Variants in CNST observed in about 807,000 individuals in gnomAD.
The protein encoded by CNST is consortin.
CNST carries 39 observed loss-of-function variants against 72.4 expected under a neutral mutation model. The ratio of observed to expected loss-of-function variants is 0.54; its 90% CI spans 0.42 to 0.70. The LOEUF (loss-of-function observed/expected upper bound fraction) is 0.70. CNST is among the 30% of genes least tolerant of loss of function. The pLI, the probability that CNST is intolerant of heterozygous loss-of-function variation, is 0.00. For synonymous variants in CNST, 332 were observed against 320.1 expected (o/e 1.04, Z -0.40); for missense variants, 871 against 868.5 (o/e 1.00, Z -0.04).
intron 1 of CNST, among the ~76,000 whole-genome samples, chr1:246,581,554 C>T (rs1432951590): frequency 1.3e-5 from 2 of 152,250 alleles, no homozygotes; most frequent in Admixed American, 6.5e-5. Flanking sequence ...TGAGCCATCA[C>T]ACCCGGCCCA....
intron 2 of CNST, among the ~76,000 whole-genome samples, chr1:246,598,701 C>A (rs933160699): frequency 5.9e-5 from 9 of 152,084 alleles, no homozygotes; most frequent in African/African-American, 2.2e-4. Flanking sequence ...AGTTGAGATC[C>A]CTGAGATTGG....
chr1:246,606,956 G>T (rs1330673270), intron 2 of CNST: 1 of 120,900 alleles, frequency 8.3e-6, no homozygotes, highest in African/African-American at 2.7e-5. Context: ...ACTTAGGCAG[G>T]CGTATGTGGC....
In CNST at chr1:246,566,571, T is replaced by A; in HGVS notation, c.-144T>A. On this transcript the variant is annotated 5_prime_UTR_variant, in exon 1 of 11. Transcript: ENST00000366513. ...GGAGCCAGGGGAGACCCGAGCAAGC[T>A]CCGTGACAGCACGTCGGCCGCCATG... 2.5e-6 allele frequency: 1 copy of A among 405,540 alleles called. No individual in the cohort carries two copies. Among genetic ancestry groups the A allele is most frequent in the Non-Finnish European group, 4.4e-6 (1 of 229,016 alleles). The allele number at this position is 405,540 out of a possible 1,614,324, so 25.1% of individuals were successfully genotyped here.
chr1:246,637,395 T>G (rs981423164), intron 6 of CNST, among the ~76,000 whole-genome samples: 12 of 152,232 alleles, frequency 7.9e-5, no homozygotes, highest in Admixed American at 7.2e-4. Flanking sequence ...AGGCATGGCC[T>G]CATTCGCTGC....
At chr1:246,636,772 G>A (rs997204784) in intron 6 of CNST, among the ~76,000 whole-genome samples, 1 of 152,146 alleles carries the variant, frequency 6.6e-6, no homozygotes, top group Non-Finnish European at 1.5e-5. Flanking sequence ...ACTCTTTCCT[G>A]ATTCAACACA....
chr1:246,628,621 C>T (rs1475363803), intron 3 of CNST, among the ~76,000 whole-genome samples: 3 of 152,138 alleles, frequency 2.0e-5, no homozygotes, highest in Non-Finnish European at 4.4e-5. Flanking sequence ...ATATGCTTGG[C>T]AGGTTTCATA....
intron 1 of CNST, chr1:246,570,017 C>A: frequency 2.0e-6 from 1 of 512,112 alleles, no homozygotes; most frequent in Non-Finnish European, 2.5e-6. Context: ...TATAAATGTG[C>A]TTCTTTATAT....
At chr1:246,641,415 C>G (rs1473402455) in intron 6 of CNST, among the ~76,000 whole-genome samples, 1 of 152,172 alleles carries the variant, frequency 6.6e-6, no homozygotes, top group Non-Finnish European at 1.5e-5. Flanking sequence ...ACTAAAATGA[C>G]ATAAACTGAA....
In CNST at chr1:246,647,155, C is replaced by A. The variant is rs749924984; in HGVS notation, c.954C>A (p.Leu318=). The change falls in exon 9 of 11, where the codon CTC becomes CTA. Residue 318 remains leucine (L), a synonymous_variant. Transcript: ENST00000366513. Reference sequence around the variant, plus strand: ...CATCTTTAGAGAGTAAAACTTGTCTCGGCACAGAGTCAAGTAAAGAAAGCC... The same window carrying A: ...CATCTTTAGAGAGTAAAACTTGTCTAGGCACAGAGTCAAGTAAAGAAAGCC... ...TTKESESKTC[L]GTESSKESQH... is the part of the protein sequence containing the mutation. 3 of 1,610,138 alleles carry A rather than the reference C, an allele frequency of 1.9e-6. No individual in the cohort carries two copies. The Admixed American group carries it at 5.1e-5, about 27-fold the overall frequency.
chr1:246,578,490 T>C (rs61852371), intron 1 of CNST, among the ~76,000 whole-genome samples: 8,331 of 151,938 alleles, frequency 0.055, 327 homozygotes, highest in Middle Eastern at 0.085. Context: ...GCTAACACGG[T>C]GAAACCCCGT....
chr1:246,595,807 A>G (rs1021798185), intron 2 of CNST, among the ~76,000 whole-genome samples: 4 of 152,154 alleles, frequency 2.6e-5, no homozygotes, highest in East Asian at 1.9e-4. Context: ...TATTCACTCT[A>G]TGCTCCCTTG....
intron 10 of CNST, among the ~76,000 whole-genome samples, chr1:246,664,964 C>T (rs957591839): frequency 2.6e-5 from 4 of 151,970 alleles, no homozygotes; most frequent in African/African-American, 9.7e-5. Context: ...AAAAGAGATC[C>T]CACCCAAAGG....
intron 10 of CNST, among the ~76,000 whole-genome samples, chr1:246,664,249 T>C (rs1473857073): frequency 1.3e-5 from 2 of 152,204 alleles, no homozygotes; most frequent in Non-Finnish European, 2.9e-5. Context: ...CCTTTTGTTA[T>C]AACAAACCCT....
At chr1:246,623,912 AT>A (rs1664252380) in intron 3 of CNST, among the ~76,000 whole-genome samples, 2 of 150,774 alleles carry the variant, frequency 1.3e-5, no homozygotes, top group African/African-American at 2.4e-5. Flanking sequence ...AAAAAAAAAA[AT>A]GTAGCCAGGC....
chr1:246,625,734 A>G (rs2103085645), intron 3 of CNST, among the ~76,000 whole-genome samples: 1 of 151,998 alleles, frequency 6.6e-6, no homozygotes, highest in Middle Eastern at 3.4e-3. Flanking sequence ...TATTTCTTTA[A>G]GATTTGATTC....
chr1:246,579,120 A>AT (rs908219050), intron 1 of CNST, among the ~76,000 whole-genome samples: 1 of 152,144 alleles, frequency 6.6e-6, no homozygotes, highest in African/African-American at 2.4e-5. Flanking sequence ...GAGCTTAAAT[A>AT]TTTTTTGGAA....
intron 8 of CNST, 96 bp downstream of exon 8, chr1:246,642,133 G>GTTTTTTT (rs74163469): frequency 6.4e-5 from 12 of 187,584 alleles, no homozygotes; most frequent in African/African-American, 4.9e-4. Flanking sequence ...AAAGGATCTG[G>GTTTTTTT]TTTTTTTTTT....
chr1:246,622,970 C>T (rs183685940), intron 3 of CNST, among the ~76,000 whole-genome samples: 195 of 152,148 alleles, frequency 1.3e-3, no homozygotes, highest in African/African-American at 4.5e-3. Flanking sequence ...ATTACAGGCA[C>T]ACACCACCAC....
In CNST at chr1:246,665,871, T is replaced by C. The variant is rs762285123; in HGVS notation, c.2144T>C (p.Val715Ala). The change falls in exon 11 of 11, where the codon GTG (valine) becomes GCG (alanine). Residue 715 changes from valine (V) to alanine (A), a missense_variant. Physicochemically the swap from Val to Ala is moderately conservative, Grantham distance 64. Transcript: ENST00000366513. The part of the protein sequence containing the change: ...DFYYTKLLQG[V>A]AELKHWIYLS Reference sequence around the variant, plus strand: ...TATTACACTAAGTTACTTCAGGGAGTGGCAGAACTGAAGCACTGGATCTAC... The same window carrying C: ...TATTACACTAAGTTACTTCAGGGAGCGGCAGAACTGAAGCACTGGATCTAC... 1 of 1,613,560 alleles carries C rather than the reference T, an allele frequency of 6.2e-7. No homozygotes were observed.
Sources: allele counts gnomAD v4.1 joint callset (sites outside exome capture counted in the v4.1 genomes callset), GRCh38; gene constraint gnomAD v4.1.1; transcripts MANE v1.5; gene names NCBI Gene and HGNC (gene_info 2026-07-23, HGNC 2026-07-21).